Variants in PIWIL1 observed in about 807,000 individuals in gnomAD.
The protein encoded by PIWIL1 is piwi like RNA-mediated gene silencing 1.
PIWIL1 carries 73 observed loss-of-function variants against 114.4 expected under a neutral mutation model. That is an observed-to-expected ratio of 0.64 (90% CI 0.53 to 0.78). The LOEUF (loss-of-function observed/expected upper bound fraction) is 0.78. Among genes scored for constraint, PIWIL1 ranks in the 30% least tolerant of loss-of-function variants. The probability of loss-of-function intolerance (pLI) is 0.00; values close to 1 mark genes in which losing one functional copy is unlikely to be tolerated. For missense variants in PIWIL1, 723 were observed against 1,063.1 expected (o/e 0.68, Z 4.45); for synonymous variants, 375 against 369.0 (o/e 1.02, Z -0.19).
the PIWIL1 span, among the ~76,000 whole-genome samples, chr12:130,417,236 G>C: frequency 6.6e-6 from 1 of 152,166 alleles, no homozygotes; most frequent in Admixed American, 6.5e-5. Flanking sequence ...GCCATTACTG[G>C]GTATATACCC....
the PIWIL1 span, among the ~76,000 whole-genome samples, chr12:130,380,286 A>G: frequency 6.5e-3 from 992 of 152,254 alleles, 4 homozygotes; most frequent in Non-Finnish European, 0.01. Flanking sequence ...GTTCCCATCC[A>G]AGCAGTAACC....
the PIWIL1 span, chr12:130,407,862 C>T: frequency 6.3e-7 from 1 of 1,582,014 alleles, no homozygotes; most frequent in Admixed American, 1.7e-5. Context: ...AGAAATCCAT[C>T]ATGAGGTTAT....
chr12:130,421,865 G>A, the PIWIL1 span, among the ~76,000 whole-genome samples: 4 of 152,140 alleles, frequency 2.6e-5, no homozygotes, highest in South Asian at 2.1e-4. Context: ...TGACTAAAAC[G>A]ATAGCTTTCA....
rs1216720458 is a variant in PIWIL1 at position 130,349,344 on chromosome 12, G to A, written c.840G>A (p.Leu280=). 6.2e-7 allele frequency: 1 copy of A among 1,613,682 alleles called. No homozygotes were observed. Among genetic ancestry groups the A allele is most frequent in the Non-Finnish European group, 8.5e-7 (1 of 1,179,654 alleles). Residue 280 remains leucine (L), a synonymous_variant, in exon 8 of 21, where the codon TTG becomes TTA. Transcript: ENST00000245255. ...AAGTCCTTCGAAGTGAGACTGTTTT[G>A]GATTTCATGTTCAACTTTTATCATC... ...SHKVLRSETV[L]DFMFNFYHQT... is the part of the protein sequence containing the mutation.
At chr12:130,383,539 T>C in the PIWIL1 span, 1 of 152,164 alleles carries the variant, frequency 6.6e-6, no homozygotes, top group African/African-American at 2.4e-5. Flanking sequence ...TCAGGGATCT[T>C]CTCCAGATTT....
chr12:130,426,251 C>T, the PIWIL1 span: 2 of 152,016 alleles, frequency 1.3e-5, no homozygotes. Context: ...AAAGAGAACC[C>T]AGAAATCCAG....
chr12:130,413,962 G>A, the PIWIL1 span, among the ~76,000 whole-genome samples: 1 of 152,212 alleles, frequency 6.6e-6, no homozygotes, highest in African/African-American at 2.4e-5. Flanking sequence ...GCAGAGGGCA[G>A]GGCCCTTGCC....
Position 130,346,942 on chromosome 12 carries a change from T to C in PIWIL1, c.533T>C (p.Val178Ala), listed in dbSNP as rs751709601. ...LFLPKRLQQK[V>A]TEVFSKTRNG... Reference sequence around the variant, plus strand: ...GGTTTTCCACCTCTCTGGCTTCAGGTTACTGAAGTTTTTAGTAAGACCCGG... The same window carrying C: ...GGTTTTCCACCTCTCTGGCTTCAGGCTACTGAAGTTTTTAGTAAGACCCGG... Residue 178 changes from valine to alanine, a missense_variant and splice_region_variant, in exon 6 of 21, where the codon GTT (valine) becomes GCT (alanine). Transcript: ENST00000245255. 1 of 1,611,580 alleles carries C rather than the reference T, an allele frequency of 6.2e-7. No homozygotes were observed. The highest frequency in any genetic ancestry group is 8.5e-7 in the Non-Finnish European group (1 of 1,179,280).
intron 18 of PIWIL1, among the ~76,000 whole-genome samples, chr12:130,364,306 G>A (rs1210356567): frequency 1.3e-5 from 2 of 152,158 alleles, no homozygotes. Context: ...ATAGAAAGGA[G>A]GGATTCTGAA....
At chr12:130,338,196 G>T (rs1025279084) in intron 1 of PIWIL1, 50 bp downstream of exon 1, 1 of 325,630 alleles carries the variant, frequency 3.1e-6, no homozygotes, top group Admixed American at 4.7e-5. Flanking sequence ...GGATGCGGGG[G>T]CGGCGGCTGG....
chr12:130,348,213 C>T, intron 7 of PIWIL1, 30 bp downstream of exon 7: 2 of 1,314,832 alleles, frequency 1.5e-6, no homozygotes, highest in East Asian at 2.3e-5. Context: ...TTTAATATTC[C>T]TTAGGCTTAA....
intron 13 of PIWIL1, 126 bp downstream of exon 13, chr12:130,357,231 A>G: frequency 1.3e-6 from 1 of 780,380 alleles, no homozygotes; most frequent in African/African-American, 1.7e-5. Context: ...TGTAATGCAG[A>G]TAAACAGAAA....
chr12:130,422,927 C>G, the PIWIL1 span, among the ~76,000 whole-genome samples: 5 of 152,214 alleles, frequency 3.3e-5, no homozygotes, highest in African/African-American at 1.2e-4. The surrounding 1 kb of genome is among the most constrained non-coding windows in gnomAD (Gnocchi z 5.2). Flanking sequence ...TTAGTCTCCA[C>G]ATGCCCCCCT....
chr12:130,377,799 T>TGGTCTGG, the PIWIL1 span, among the ~76,000 whole-genome samples: 20 of 152,350 alleles, frequency 1.3e-4, no homozygotes, highest in African/African-American at 4.8e-4. Context: ...ACTTTGCCCT[T>TGGTCTGG]GGTCTGGGGC....
chr12:130,349,053 T>C (rs1472870535), intron 7 of PIWIL1, among the ~76,000 whole-genome samples, 186 bp from the exon 8 acceptor site: 15 of 152,240 alleles, frequency 9.9e-5, no homozygotes, highest in Admixed American at 3.9e-4. Context: ...ATGAAACTTA[T>C]ACAATTATTA....
chr12:130,389,766 T>C, the PIWIL1 span, among the ~76,000 whole-genome samples: 31 of 152,322 alleles, frequency 2.0e-4, no homozygotes, highest in East Asian at 4.4e-3. Context: ...TTATCTCTTT[T>C]CTTCAGTTAT....
At chr12:130,407,202 A>C in the PIWIL1 span, among the ~76,000 whole-genome samples, 4 of 152,220 alleles carry the variant, frequency 2.6e-5, no homozygotes, top group Non-Finnish European at 1.5e-5. Flanking sequence ...GTTCACATAC[A>C]TCTTGTCATC....
chr12:130,384,692 C>T, the PIWIL1 span, among the ~76,000 whole-genome samples: 1 of 152,132 alleles, frequency 6.6e-6, no homozygotes, highest in Non-Finnish European at 1.5e-5. Flanking sequence ...AGGACAGATA[C>T]TCAAACTATT....
At chr12:130,358,922 A>C (rs2073438019) in intron 14 of PIWIL1, among the ~76,000 whole-genome samples, 1 of 152,114 alleles carries the variant, frequency 6.6e-6, no homozygotes, top group African/African-American at 2.4e-5. Flanking sequence ...GGTGTGCTTT[A>C]GGCGTGGTCA....
Sources: allele counts gnomAD v4.1 joint callset (sites outside exome capture counted in the v4.1 genomes callset), GRCh38; gene constraint gnomAD v4.1.1; non-coding constraint Gnocchi (gnomAD v3.1); transcripts MANE v1.5; gene names NCBI Gene and HGNC (gene_info 2026-07-23, HGNC 2026-07-21).